The following SLC25A12 variants were observed in gnomAD, a reference collection of about 807,000 sequenced individuals.
SLC25A12 encodes solute carrier family 25 member 12.
In SLC25A12, 32 loss-of-function variants were observed where a neutral mutation model predicts 83.3. That is an observed-to-expected ratio of 0.38 (90% confidence interval 0.29 to 0.52). The LOEUF (loss-of-function observed/expected upper bound fraction) is 0.52, where lower values mean the gene tolerates loss of function less well. SLC25A12 is among the 20% of genes least tolerant of loss of function. SLC25A12 has a pLI of 0.84. For synonymous variants in SLC25A12, 267 were observed against 291.1 expected (o/e 0.92, Z 0.84); for missense variants, 611 against 835.6 (o/e 0.73, Z 3.31).
chr2:171,892,358 T>G (rs1182917273), intron 2 of SLC25A12, among the ~76,000 whole-genome samples: 2 of 152,110 alleles, frequency 1.3e-5, no homozygotes, highest in South Asian at 2.1e-4. Flanking sequence ...CCCGAGTAGC[T>G]GGGACTACAG....
chr2:171,893,358 C>A, intron 1 of SLC25A12, 100 bp from the exon 2 acceptor site: 1 of 1,015,976 alleles, frequency 9.8e-7, no homozygotes. Flanking sequence ...ATGCTCCTAT[C>A]TTTTATCATT....
intron 13 of SLC25A12, among the ~76,000 whole-genome samples, chr2:171,808,093 C>T (rs1683873337): frequency 6.6e-6 from 1 of 152,182 alleles, no homozygotes; most frequent in Non-Finnish European, 1.5e-5. Flanking sequence ...ATTAATGTTT[C>T]CAAGAACAAA....
intron 8 of SLC25A12, among the ~76,000 whole-genome samples, chr2:171,829,142 G>A (rs1266521606): frequency 1.3e-5 from 2 of 152,196 alleles, no homozygotes; most frequent in Admixed American, 1.3e-4. Flanking sequence ...AATCTAAGGA[G>A]AAAACATCTG....
At chr2:171,816,464 C>T (rs1177363519) in intron 9 of SLC25A12, among the ~76,000 whole-genome samples, 1 of 152,068 alleles carries the variant, frequency 6.6e-6, no homozygotes, top group Non-Finnish European at 1.5e-5. Flanking sequence ...CTATGCACAT[C>T]CTCTTGTATT....
intron 2 of SLC25A12, among the ~76,000 whole-genome samples, chr2:171,890,381 T>C (rs1354433468): frequency 1.3e-5 from 2 of 152,212 alleles, no homozygotes; most frequent in East Asian, 3.8e-4. Context: ...AAGCTTCAAA[T>C]AACTATAGTT....
At chr2:171,810,191 A>G in intron 12 of SLC25A12, 33 bp downstream of exon 12, 1 of 1,586,590 alleles carries the variant, frequency 6.3e-7, no homozygotes, top group Non-Finnish European at 8.7e-7. Context: ...TAATCTAAAC[A>G]AATGACATAA....
intron 17 of SLC25A12, among the ~76,000 whole-genome samples, chr2:171,787,259 A>C (rs1251155687): frequency 6.6e-6 from 1 of 152,100 alleles, no homozygotes; most frequent in Non-Finnish European, 1.5e-5. Flanking sequence ...CGGGAGGTTG[A>C]GGCTACGGTG....
chr2:171,854,030 T>C (rs550629711), intron 4 of SLC25A12, among the ~76,000 whole-genome samples: 149 of 152,338 alleles, frequency 9.8e-4, no homozygotes, highest in Admixed American at 7.7e-3. Flanking sequence ...AATCCAGTTA[T>C]TTTCCAAGCA....
At chr2:171,850,266 C>T (rs964228490) in intron 4 of SLC25A12, among the ~76,000 whole-genome samples, 2 of 150,640 alleles carry the variant, frequency 1.3e-5, no homozygotes, top group Non-Finnish European at 3.0e-5. Context: ...CAGGCACATG[C>T]CACCACGCCC....
chr2:171,863,082 G>A (rs781229647), intron 3 of SLC25A12, among the ~76,000 whole-genome samples: 2 of 151,946 alleles, frequency 1.3e-5, no homozygotes, highest in Non-Finnish European at 2.9e-5. Context: ...TTCTTTAATT[G>A]TGTAGAGATG....
At chr2:171,842,391 G>A (rs763862995) in intron 5 of SLC25A12, among the ~76,000 whole-genome samples, 10 of 151,970 alleles carry the variant, frequency 6.6e-5, no homozygotes, top group South Asian at 2.1e-4. Flanking sequence ...TCAGGAGTTC[G>A]AGACTAGCCT....
At chr2:171,840,991 A>C (rs1684661268) in intron 5 of SLC25A12, among the ~76,000 whole-genome samples, 1 of 152,230 alleles carries the variant, frequency 6.6e-6, no homozygotes, top group African/African-American at 2.4e-5. Context: ...AATGCTTTCA[A>C]AATTATAAGG....
intron 13 of SLC25A12, 24 bp from the exon 14 acceptor site, chr2:171,793,791 G>A: frequency 6.2e-7 from 1 of 1,614,066 alleles, no homozygotes; most frequent in Non-Finnish European, 8.5e-7. Context: ...AGAAGAGACA[G>A]GCAGATTCCA....
At chr2:171,807,102 C>A (rs1193460559) in intron 13 of SLC25A12, among the ~76,000 whole-genome samples, 8 of 152,208 alleles carry the variant, frequency 5.3e-5, no homozygotes, top group African/African-American at 1.9e-4. Context: ...CATAGCATAA[C>A]TGAATTTGTC....
Position 171,785,137 on chromosome 2 carries a change from T to C in SLC25A12, c.*137A>G, listed in dbSNP as rs1165613922. The C allele has an allele frequency of 2.6e-5, 20 of 764,934 alleles. No individual in the cohort carries two copies. Among genetic ancestry groups the C allele is most frequent in the Non-Finnish European group, 4.3e-5 (19 of 440,310 alleles). 47.4% of individuals were successfully genotyped at this position (764,934 alleles called of 1,614,324 possible). A position where few individuals can be genotyped will look rare whatever the true frequency, so the allele number is the denominator to read the frequency against. On this transcript the variant is annotated 3_prime_UTR_variant, in exon 18 of 18. Coordinates refer to ENST00000422440, the MANE Select transcript of SLC25A12 (RefSeq NM_003705.5). ...AATGATTATTTTATAAACAAGTATATGTATATGTCATACAGAAAGAAGAGT... is the reference window on the plus strand; with the variant it reads ...AATGATTATTTTATAAACAAGTATACGTATATGTCATACAGAAAGAAGAGT...
intron 9 of SLC25A12, among the ~76,000 whole-genome samples, chr2:171,821,217 A>G (rs1684186155): frequency 6.6e-6 from 1 of 151,564 alleles, no homozygotes; most frequent in African/African-American, 2.4e-5. Context: ...TTTTTTGTAG[A>G]GATGGGGATT....
chr2:171,803,396 T>A (rs1445340525), intron 13 of SLC25A12, among the ~76,000 whole-genome samples: 1 of 151,926 alleles, frequency 6.6e-6, no homozygotes, highest in Non-Finnish European at 1.5e-5. Flanking sequence ...ATAAAAAATA[T>A]CTGAAAAGGG....
chr2:171,789,383 C>T (rs982785582), intron 15 of SLC25A12, among the ~76,000 whole-genome samples: 32 of 151,832 alleles, frequency 2.1e-4, no homozygotes, highest in African/African-American at 7.5e-4. Flanking sequence ...AGCCCGCCAC[C>T]ACGCCCGGCT....
At chr2:171,786,734 C>A (rs1401745627) in intron 17 of SLC25A12, among the ~76,000 whole-genome samples, 1 of 152,146 alleles carries the variant, frequency 6.6e-6, no homozygotes, top group Non-Finnish European at 1.5e-5. Context: ...CTTTTAGAAG[C>A]CCAATTTCTG....
Sources: gnomAD v4.1 joint callset for allele counts (sites outside exome capture counted in the v4.1 genomes callset) on GRCh38, gnomAD v4.1.1 for gene constraint, MANE v1.5 for transcripts, NCBI Gene and HGNC (gene_info 2026-07-23, HGNC 2026-07-21) for gene names.